The following LRRFIP1 variants were observed in gnomAD, a reference collection of about 807,000 sequenced individuals.
LRRFIP1 encodes LRR binding FLII interacting protein 1.
Under a neutral mutation model 104.4 loss-of-function variants are expected in LRRFIP1, and 62 were observed. That is an observed-to-expected ratio of 0.59 (90% CI 0.48 to 0.73). The LOEUF (loss-of-function observed/expected upper bound fraction) is 0.73, where lower values mean the gene tolerates loss of function less well. LRRFIP1 is among the 30% of genes least tolerant of loss of function. LRRFIP1 has a pLI of 0.00. For missense variants in LRRFIP1, 796 were observed against 824.5 expected, an observed-to-expected ratio of 0.97 and a Z score of 0.42; for synonymous variants, 300 against 299.0, an observed-to-expected ratio of 1.00 and a Z score of -0.03.
intron 1 of LRRFIP1, among the ~76,000 whole-genome samples, chr2:237,673,245 C>A (rs2090612299): frequency 6.6e-6 from 1 of 152,230 alleles, no homozygotes; most frequent in Non-Finnish European, 1.5e-5. Context: ...GCATAACAGA[C>A]CTCTGTGTCC....
intron 13 of LRRFIP1, among the ~76,000 whole-genome samples, chr2:237,750,482 G>A (rs1412751414): frequency 2.6e-5 from 4 of 151,550 alleles, no homozygotes; most frequent in Admixed American, 1.3e-4. Context: ...GATTACAGGC[G>A]CCCGCCACCA....
chr2:237,727,228 C>T (rs903816258), intron 7 of LRRFIP1, among the ~76,000 whole-genome samples: 11 of 152,056 alleles, frequency 7.2e-5, no homozygotes, highest in Non-Finnish European at 1.2e-4. Context: ...TGGTGACGCA[C>T]GCCTGTAATC....
At chr2:237,771,429 G>A (rs1350184872) in intron 20 of LRRFIP1, among the ~76,000 whole-genome samples, 3 of 151,882 alleles carry the variant, frequency 2.0e-5, no homozygotes, top group African/African-American at 7.3e-5. Flanking sequence ...GGTATTAAAA[G>A]GAATCTAGAG....
At chr2:237,707,659 A>G (rs978913412) in intron 1 of LRRFIP1, among the ~76,000 whole-genome samples, 14 of 152,200 alleles carry the variant, frequency 9.2e-5, no homozygotes, top group African/African-American at 3.4e-4. Context: ...GTGGTATCAC[A>G]TGAAGCAGTG....
chr2:237,663,598 T>C (rs2088532987), intron 1 of LRRFIP1, among the ~76,000 whole-genome samples: 1 of 152,212 alleles, frequency 6.6e-6, no homozygotes, highest in Admixed American at 6.5e-5. Context: ...AGCCACCTAG[T>C]CTATGCCCTT....
rs190840135 is a variant in LRRFIP1 at position 237,634,855 on chromosome 2, G to T, written c.96+7115G>T. Among the ~76,000 whole-genome samples, 78 of 152,096 alleles carry T rather than the reference G, an allele frequency of 5.1e-4. 2 individuals are homozygous for T. In the South Asian group the frequency reaches 0.016, roughly 31 times the overall value. On this transcript the variant is annotated intron_variant, in intron 1 of 23. Transcript: ENST00000308482. Reference sequence around the variant, plus strand: ...AGTTTTCAATAGAACCCATCAAAATGCTATGTTCTATATGATTAAACAAAG... The same window carrying T: ...AGTTTTCAATAGAACCCATCAAAATTCTATGTTCTATATGATTAAACAAAG...
intron 7 of LRRFIP1, among the ~76,000 whole-genome samples, chr2:237,727,040 G>A (rs570032384): frequency 5.3e-5 from 8 of 152,274 alleles, no homozygotes; most frequent in Admixed American, 2.0e-4. Context: ...ATGAACTTTT[G>A]CGTTTAACTA....
chr2:237,738,460 C>T (rs1318687769), intron 10 of LRRFIP1, among the ~76,000 whole-genome samples: 10 of 152,172 alleles, frequency 6.6e-5, no homozygotes. Flanking sequence ...CTGCGTGGGT[C>T]TCTCTTGAAG....
chr2:237,704,382 G>A (rs45546536), intron 1 of LRRFIP1, among the ~76,000 whole-genome samples: 35,006 of 151,858 alleles, frequency 0.23, 4,169 homozygotes, highest in East Asian at 0.31. Context: ...TCAATCTCCC[G>A]ACCTCAGGTG....
chr2:237,678,790 G>T (rs2091472206), intron 1 of LRRFIP1, among the ~76,000 whole-genome samples: 1 of 152,130 alleles, frequency 6.6e-6, no homozygotes, highest in Non-Finnish European at 1.5e-5. Context: ...TTACAGGTGT[G>T]AGCCACAGCA....
rs979529739 is a variant in LRRFIP1 at position 237,703,449 on chromosome 2, C to T, written c.97-5095C>T. ...GTCAGATTCCGCTGTGTTCTTAAAA[C>T]CCTTCAGTGGTTCTGAATTCTTTCA... is the stretch of plus-strand genomic sequence containing the variant. On this transcript the variant is annotated intron_variant, in intron 1 of 23. Transcript: ENST00000308482. This position sits in a 1 kb window ranked among gnomAD's most constrained non-coding sequence, Gnocchi z 4.3. 2.0e-5 allele frequency among the ~76,000 whole-genome samples: 3 copies of T among 152,294 alleles called. No homozygotes were observed. Among genetic ancestry groups the T allele is most frequent in the South Asian group, 4.2e-4 (2 of 4,818 alleles).
intron 7 of LRRFIP1, among the ~76,000 whole-genome samples, chr2:237,726,801 T>G (rs2150261957): frequency 6.6e-6 from 1 of 152,314 alleles, no homozygotes; most frequent in African/African-American, 2.4e-5. Flanking sequence ...AGCAGAAATT[T>G]CCTTATAGAT....
chr2:237,674,099 G>C (rs993169941), intron 1 of LRRFIP1, among the ~76,000 whole-genome samples: 1 of 152,214 alleles, frequency 6.6e-6, no homozygotes, highest in Non-Finnish European at 1.5e-5. Context: ...AGGGACTCAG[G>C]GGGCAGCAGG....
intron 2 of LRRFIP1, 47 bp downstream of exon 2, chr2:237,708,677 G>A (rs115274199): frequency 0.01 from 15,858 of 1,553,000 alleles, 157 homozygotes; most frequent in Non-Finnish European, 0.01. Flanking sequence ...TGATTTGCGT[G>A]CTGGGCCCAG....
intron 1 of LRRFIP1, among the ~76,000 whole-genome samples, chr2:237,630,503 G>C (rs1312430233): frequency 2.0e-5 from 3 of 152,216 alleles, no homozygotes; most frequent in Non-Finnish European, 4.4e-5. Flanking sequence ...GAAGGGATCT[G>C]ATATAAAAAG....
chr2:237,711,130 T>C lies in LRRFIP1; in HGVS notation c.183+2500T>C, dbSNP rs542443887. On this transcript the variant is annotated intron_variant, in intron 2 of 23. Coordinates refer to ENST00000308482, the MANE Select transcript of LRRFIP1 (RefSeq NM_001137550.2). The surrounding 1 kb of genome is among the most constrained non-coding windows in gnomAD (Gnocchi z 4.4). ...CTACTCCAGATGGGAAACCAAGTCT[T>C]GGGCATTTAATTTTAGTATCATGAA... Among the ~76,000 whole-genome samples the C allele has an allele frequency of 6.6e-6, 1 of 152,318 alleles. No individual in the cohort carries two copies. Among genetic ancestry groups the C allele is most frequent in the South Asian group, 2.1e-4 (1 of 4,828 alleles).
chr2:237,758,614 T>C (rs2059545431), intron 17 of LRRFIP1, 115 bp from the exon 18 acceptor site: 1 of 680,346 alleles, frequency 1.5e-6, no homozygotes, highest in Non-Finnish European at 2.6e-6. Context: ...CTCTTTAATG[T>C]CTAGAGTCCA....
At chr2:237,731,061 GAGA>G (rs1311727397) in intron 8 of LRRFIP1, among the ~76,000 whole-genome samples, 1 of 152,244 alleles carries the variant, frequency 6.6e-6, no homozygotes, top group East Asian at 1.9e-4. Flanking sequence ...CAGAACCCAG[GAGA>G]GGTGCCATGT....
At position 237,665,045 on chromosome 2, in the gene LRRFIP1, C is replaced by T. The variant is rs1409888493; in HGVS notation, c.96+37305C>T. ...CTCTGAAGAATTTGTAAGTTCTTCA[C>T]ATCACTTTAAGAATACTTATAATTT... On this transcript the variant is annotated intron_variant, in intron 1 of 23. Transcript: ENST00000308482. Among the ~76,000 whole-genome samples, 3 of 152,310 alleles carry T rather than the reference C, an allele frequency of 2.0e-5. No individual in the cohort carries two copies. The East Asian group carries it at 5.8e-4, about 29-fold the overall frequency.
Sources: gnomAD v4.1 joint callset for allele counts (sites outside exome capture counted in the v4.1 genomes callset) on GRCh38, gnomAD v4.1.1 for gene constraint, Gnocchi (gnomAD v3.1) non-coding constraint, MANE v1.5 for transcripts, NCBI Gene and HGNC (gene_info 2026-07-23, HGNC 2026-07-21) for gene names.